The following LRRTM4 variants were observed in gnomAD, a reference collection of about 807,000 sequenced individuals.
LRRTM4 encodes the protein leucine-rich repeat transmembrane neuronal protein 4.
A neutral mutation model predicts 47.6 loss-of-function variants in LRRTM4; 25 were observed. The ratio of observed to expected loss-of-function variants is 0.53; its 90% CI spans 0.38 to 0.73. LRRTM4 has a LOEUF of 0.73. LRRTM4 is among the 30% of genes least tolerant of loss of function. LRRTM4 has a pLI of 0.00. For missense variants in LRRTM4, 638 were observed against 713.4 expected, an observed-to-expected ratio of 0.89 and a Z score of 1.20; for synonymous variants, 311 against 269.5, an observed-to-expected ratio of 1.15 and a Z score of -1.51.
chr2:76,878,911 A>G (rs1365091814), intron 3 of LRRTM4, among the ~76,000 whole-genome samples: 1 of 152,132 alleles, frequency 6.6e-6, no homozygotes, highest in Non-Finnish European at 1.5e-5. Flanking sequence ...TACTGCTGAT[A>G]TGAAGAAATT....
chr2:77,253,096 C>T (rs1287705858), intron 3 of LRRTM4, among the ~76,000 whole-genome samples: 1 of 152,118 alleles, frequency 6.6e-6, no homozygotes, highest in African/African-American at 2.4e-5. Context: ...GTTACACTCT[C>T]CTCACCTTCT....
At chr2:76,933,900 T>C (rs1055950894) in intron 3 of LRRTM4, among the ~76,000 whole-genome samples, 1 of 152,170 alleles carries the variant, frequency 6.6e-6, no homozygotes, top group Admixed American at 6.5e-5. Flanking sequence ...ATTTACATGC[T>C]TTCCTTCCCC....
chr2:76,781,909 C>T (rs925254705), intron 3 of LRRTM4, among the ~76,000 whole-genome samples: 1 of 152,120 alleles, frequency 6.6e-6, no homozygotes, highest in African/African-American at 2.4e-5. Context: ...TCATCTGCTG[C>T]CTCTTGATCA....
intron 3 of LRRTM4, among the ~76,000 whole-genome samples, chr2:77,252,764 G>C: frequency 6.6e-6 from 1 of 152,028 alleles, no homozygotes; most frequent in East Asian, 1.9e-4. Flanking sequence ...CTCTGAGATG[G>C]GGACATTCCT....
intron 3 of LRRTM4, among the ~76,000 whole-genome samples, chr2:76,803,818 A>T (rs963770809): frequency 6.6e-6 from 1 of 152,160 alleles, no homozygotes; most frequent in African/African-American, 2.4e-5. Flanking sequence ...TCCCTGAAAC[A>T]TCTGTACAAA....
At chr2:76,923,695 C>G (rs962917286) in intron 3 of LRRTM4, among the ~76,000 whole-genome samples, 1 of 151,940 alleles carries the variant, frequency 6.6e-6, no homozygotes, top group Non-Finnish European at 1.5e-5. Context: ...TTAGTCAATC[C>G]CACTGTACTA....
At chr2:77,054,503 T>G (rs1679539333) in intron 3 of LRRTM4, among the ~76,000 whole-genome samples, 1 of 152,154 alleles carries the variant, frequency 6.6e-6, no homozygotes, top group South Asian at 2.1e-4. Flanking sequence ...TCAAAGCTAT[T>G]TAATTAAATA....
chr2:77,045,182 T>C (rs1301648471), intron 3 of LRRTM4, among the ~76,000 whole-genome samples: 1 of 151,964 alleles, frequency 6.6e-6, no homozygotes, highest in East Asian at 1.9e-4. Flanking sequence ...CACAGAAATA[T>C]GTGAATTTAA....
At chr2:76,956,361 A>C (rs921385642) in intron 3 of LRRTM4, among the ~76,000 whole-genome samples, 1 of 151,742 alleles carries the variant, frequency 6.6e-6, no homozygotes, top group Non-Finnish European at 1.5e-5. Context: ...AAGAAGGGAA[A>C]GGTAAGGGGA....
intron 3 of LRRTM4, among the ~76,000 whole-genome samples, chr2:76,976,177 T>C (rs1016273557): frequency 1.3e-5 from 2 of 151,840 alleles, no homozygotes; most frequent in Admixed American, 1.3e-4. Flanking sequence ...GCAATGTTGT[T>C]ACCAAACTTT....
At chr2:77,451,783 T>C (rs1676264650) in intron 3 of LRRTM4, among the ~76,000 whole-genome samples, 1 of 151,982 alleles carries the variant, frequency 6.6e-6, no homozygotes, top group Non-Finnish European at 1.5e-5. Context: ...GAACAAAAGG[T>C]GAGAAGGAGG....
chr2:77,050,554 G>T (rs114248703), intron 3 of LRRTM4, among the ~76,000 whole-genome samples: 7,764 of 152,212 alleles, frequency 0.051, 262 homozygotes, highest in Middle Eastern at 0.15. Flanking sequence ...TCATTATGAA[G>T]ACCAAGAATC....
At position 77,226,070 on chromosome 2, in the gene LRRTM4, T is replaced by C. The variant is rs141464032; in HGVS notation, c.1551+292248A>G. On this transcript the variant is annotated intron_variant, in intron 3 of 3. Coordinates refer to ENST00000409884, the MANE Select transcript of LRRTM4 (RefSeq NM_001134745.3). ...AAAGTTATATATTTTATAATTATTA[T>C]TGTTTTAAAGTATTTTGTTTATTTT... Among the ~76,000 whole-genome samples the C allele has an allele frequency of 6.2e-3, 945 of 151,814 alleles. 11 individuals carry two copies. Among genetic ancestry groups the C allele is most frequent in the African/African-American group, 0.022 (912 of 41,536 alleles).
chr2:76,988,274 A>C (rs1306479184), intron 3 of LRRTM4, among the ~76,000 whole-genome samples: 1 of 151,872 alleles, frequency 6.6e-6, no homozygotes, highest in Admixed American at 6.6e-5. Flanking sequence ...AGTCTCCTTA[A>C]GCACAAGGAA....
chr2:77,478,741 C>A (rs901801368), intron 3 of LRRTM4, among the ~76,000 whole-genome samples: 11 of 152,128 alleles, frequency 7.2e-5, no homozygotes, highest in African/African-American at 2.7e-4. Flanking sequence ...TTCTCTGGAC[C>A]TGTAAGTGGT....
chr2:77,164,018 T>A (rs563538216), intron 3 of LRRTM4, among the ~76,000 whole-genome samples: 5 of 152,036 alleles, frequency 3.3e-5, no homozygotes, highest in Admixed American at 6.6e-5. Flanking sequence ...GACTGGCAAA[T>A]TGGATAAGCA....
In LRRTM4 at chr2:77,120,346, C is replaced by T. The variant is rs112912794; in HGVS notation, c.1552-371430G>A. On this transcript the variant is annotated intron_variant, in intron 3 of 3. Transcript: ENST00000409884. ...ATTTAGAAAATTATCACATAGATTGCTAACGGGAGACATACTACAGTTAAA... is the reference window on the plus strand; with the variant it reads ...ATTTAGAAAATTATCACATAGATTGTTAACGGGAGACATACTACAGTTAAA... 1.1e-4 allele frequency among the ~76,000 whole-genome samples: 17 copies of T among 151,716 alleles called. 2 individuals carry two copies. Among genetic ancestry groups the T allele is most frequent in the African/African-American group, 3.4e-4 (14 of 41,462 alleles).
At chr2:76,978,537 T>G (rs1044287297) in intron 3 of LRRTM4, among the ~76,000 whole-genome samples, 2 of 152,068 alleles carry the variant, frequency 1.3e-5, no homozygotes, top group Non-Finnish European at 2.9e-5. Context: ...ATGGATGAGA[T>G]AGAGAGACAT....
chr2:76,993,837 A>C (rs1441833496), intron 3 of LRRTM4, among the ~76,000 whole-genome samples: 1 of 152,036 alleles, frequency 6.6e-6, no homozygotes, highest in Non-Finnish European at 1.5e-5. Context: ...CACAATAGGA[A>C]AGATATGAAA....
Sources: gnomAD v4.1 joint callset for allele counts (sites outside exome capture counted in the v4.1 genomes callset) on GRCh38, gnomAD v4.1.1 for gene constraint, MANE v1.5 for transcripts, NCBI Gene and HGNC (gene_info 2026-07-23, HGNC 2026-07-21) for gene names.